ARFGEF1: variants seen among roughly 807,000 people sequenced by gnomAD.
ARFGEF1 encodes ARF guanine nucleotide exchange factor 1, also known as brefeldin A-inhibited guanine nucleotide-exchange protein 1.
Under a neutral mutation model 231.0 loss-of-function variants are expected in ARFGEF1, and 42 were observed. That is an observed-to-expected ratio of 0.18 (90% CI 0.14 to 0.24). ARFGEF1 has a LOEUF of 0.24. ARFGEF1 is among the 10% of genes least tolerant of loss of function. The pLI is 1.00. For missense variants in ARFGEF1, 1,345 were observed against 2,192.0 expected (o/e 0.61, Z 7.72); for synonymous variants, 710 against 732.3 (o/e 0.97, Z 0.49).
intron 33 of ARFGEF1, 91 bp downstream of exon 33, chr8:67,216,499 A>G: frequency 8.5e-7 from 1 of 1,174,582 alleles, no homozygotes; most frequent in Non-Finnish European, 1.2e-6. Flanking sequence ...GCAGGAATGG[A>G]TTAAGACAAT....
chr8:67,202,687 A>T (rs1030854121), intron 36 of ARFGEF1, among the ~76,000 whole-genome samples: 4 of 152,188 alleles, frequency 2.6e-5, no homozygotes, highest in African/African-American at 9.7e-5. Flanking sequence ...CTTCACTCTG[A>T]GCTCTGGCCA....
At chr8:67,284,636 AC>A (rs1805674998) in intron 7 of ARFGEF1, among the ~76,000 whole-genome samples, 1 of 152,188 alleles carries the variant, frequency 6.6e-6, no homozygotes, top group South Asian at 2.1e-4. Context: ...AATGTAGGAA[AC>A]GGAAGATACA....
intron 1 of ARFGEF1, among the ~76,000 whole-genome samples, chr8:67,310,494 A>C (rs1465977015): frequency 6.6e-6 from 1 of 152,140 alleles, no homozygotes; most frequent in African/African-American, 2.4e-5. Context: ...AAGTGCCGAG[A>C]TTGGAGCCTC....
chr8:67,196,446 T>G (rs1184054000), downstream of ARFGEF1, among the ~76,000 whole-genome samples: 1 of 151,936 alleles, frequency 6.6e-6, no homozygotes, highest in Non-Finnish European at 1.5e-5. Context: ...AAGGAAAGAG[T>G]CATTCAAATA....
chr8:67,242,503 C>A (rs1412244631), intron 19 of ARFGEF1, among the ~76,000 whole-genome samples: 1 of 152,064 alleles, frequency 6.6e-6, no homozygotes, highest in Non-Finnish European at 1.5e-5. Context: ...TCACAGGATC[C>A]CTTATTTGCT....
chr8:67,336,338 T>C (rs919112306), intron 1 of ARFGEF1, among the ~76,000 whole-genome samples: 2 of 152,204 alleles, frequency 1.3e-5, no homozygotes, highest in African/African-American at 4.8e-5. Context: ...GTAGACTCTG[T>C]AAGTGGAAAC....
chr8:67,310,994 GC>G (rs1208064575), intron 1 of ARFGEF1, among the ~76,000 whole-genome samples: 3 of 112,280 alleles, frequency 2.7e-5, no homozygotes, highest in Admixed American at 8.7e-5. Context: ...TGGGGGGTCA[GC>G]CCCCCGCCCG....
chr8:67,332,489 C>T (rs923656642), intron 1 of ARFGEF1, among the ~76,000 whole-genome samples: 4 of 152,110 alleles, frequency 2.6e-5, no homozygotes, highest in African/African-American at 9.7e-5. Context: ...TACATACACA[C>T]GAATTTGCCT....
intron 17 of ARFGEF1, 147 bp from the exon 18 acceptor site, chr8:67,253,769 G>GA (rs1179130742): frequency 2.8e-5 from 13 of 464,296 alleles, no homozygotes; most frequent in Non-Finnish European, 3.6e-5. Flanking sequence ...AGATAAAAAT[G>GA]AAAAAAATCA....
At chr8:67,324,473 G>A (rs1027260336) in intron 1 of ARFGEF1, among the ~76,000 whole-genome samples, 1 of 151,940 alleles carries the variant, frequency 6.6e-6, no homozygotes, top group Non-Finnish European at 1.5e-5. Flanking sequence ...TAATTCTATG[G>A]CAAACTCATC....
At chr8:67,311,710 C>T (rs985281697) in intron 1 of ARFGEF1, among the ~76,000 whole-genome samples, 1 of 152,132 alleles carries the variant, frequency 6.6e-6, no homozygotes, top group Non-Finnish European at 1.5e-5. Flanking sequence ...AGCCCTTCTG[C>T]CCGGCCACCA....
At chr8:67,285,795 C>T (rs1805733164) in intron 7 of ARFGEF1, among the ~76,000 whole-genome samples, 1 of 152,128 alleles carries the variant, frequency 6.6e-6, no homozygotes, top group Non-Finnish European at 1.5e-5. Flanking sequence ...ATGACAATCT[C>T]AATCTACTCA....
intron 6 of ARFGEF1, among the ~76,000 whole-genome samples, chr8:67,289,921 A>G (rs990675510): frequency 1.3e-5 from 2 of 152,196 alleles, no homozygotes; most frequent in African/African-American, 4.8e-5. Flanking sequence ...ACCACTATCT[A>G]AAAGTGTACG....
intron 14 of ARFGEF1, among the ~76,000 whole-genome samples, chr8:67,261,580 C>A (rs1804621699): frequency 6.6e-6 from 1 of 152,238 alleles, no homozygotes; most frequent in African/African-American, 2.4e-5. Context: ...TGCACCTGAT[C>A]ACCTTAGAGC....
chr8:67,220,832 A>G (rs1238975809), intron 29 of ARFGEF1, among the ~76,000 whole-genome samples: 1 of 152,104 alleles, frequency 6.6e-6, no homozygotes, highest in Non-Finnish European at 1.5e-5. Flanking sequence ...CCAGGGCCCA[A>G]AGTAAACACA....
chr8:67,193,010 G>A (rs1204398986), downstream of ARFGEF1, among the ~76,000 whole-genome samples: 1 of 152,194 alleles, frequency 6.6e-6, no homozygotes, highest in Non-Finnish European at 1.5e-5. Context: ...AGAGTCATCT[G>A]AGCTTGCATG....
chr8:67,317,988 A>G (rs1807402572), intron 1 of ARFGEF1, among the ~76,000 whole-genome samples: 1 of 151,812 alleles, frequency 6.6e-6, no homozygotes, highest in African/African-American at 2.4e-5. Context: ...CTGTAATTCC[A>G]GCACTTTGGG....
At chr8:67,190,288 C>G (rs1835850619) in intron 5 of ARFGEF1, among the ~76,000 whole-genome samples, 2 of 152,114 alleles carry the variant, frequency 1.3e-5, no homozygotes, top group Admixed American at 6.5e-5. Flanking sequence ...AGATGAATCT[C>G]AAACACCTTA....
At chr8:67,321,457 GTTTGT>G (rs1212274612) in intron 1 of ARFGEF1, among the ~76,000 whole-genome samples, 1 of 151,676 alleles carries the variant, frequency 6.6e-6, no homozygotes, top group South Asian at 2.1e-4. Context: ...TGTTTTTTTT[GTTTGT>G]TTTGTTTTTT....
Sources: allele counts gnomAD v4.1 joint callset (sites outside exome capture counted in the v4.1 genomes callset), GRCh38; gene constraint gnomAD v4.1.1; transcripts MANE v1.5; gene names NCBI Gene and HGNC (gene_info 2026-07-23, HGNC 2026-07-21).